Variants in ZBTB38 observed in about 807,000 individuals in gnomAD.
ZBTB38 encodes zinc finger and BTB domain-containing protein 38.
A neutral mutation model predicts 76.8 loss-of-function variants in ZBTB38; 20 were observed. That is an observed-to-expected ratio of 0.26 (90% CI 0.18 to 0.38). The LOEUF is 0.38. ZBTB38 is among the 10% of genes least tolerant of loss of function. The pLI, the probability that ZBTB38 is intolerant of heterozygous loss-of-function variation, is 1.00. For missense variants in ZBTB38, 1,082 were observed against 1,482.3 expected (o/e 0.73, Z 4.43); for synonymous variants, 504 against 544.2 (o/e 0.93, Z 1.03).
In ZBTB38 at chr3:141,444,461, A is replaced by G. The variant is rs1333871782; in HGVS notation, c.2073A>G (p.Val691=). 1 of 1,614,120 alleles carries G rather than the reference A, an allele frequency of 6.2e-7. No individual in the cohort carries two copies. Residue 691 remains valine, a synonymous_variant, in exon 6 of 6, where the codon GTA becomes GTG. Coordinates refer to ENST00000321464, the MANE Select transcript of ZBTB38 (RefSeq NM_001376113.1). The surrounding 1 kb of genome is among the most constrained non-coding windows in gnomAD (Gnocchi z 5.1). ...AVSSDLRAGD[V]PVLSLSNSSE... is the part of the protein sequence containing the mutation. ...GTTCTGACCTCCGGGCAGGGGATGT[A>G]CCTGTTTTATCTTTGAGTAATAGCA...
At chr3:141,352,095 C>T (rs561089309) in intron 1 of ZBTB38, among the ~76,000 whole-genome samples, 1 of 152,230 alleles carries the variant, frequency 6.6e-6, no homozygotes, top group South Asian at 2.1e-4. Flanking sequence ...AGACAAAGTC[C>T]TTGCTCTCAC....
intron 1 of ZBTB38, among the ~76,000 whole-genome samples, chr3:141,347,174 G>C (rs1943387672): frequency 6.6e-6 from 1 of 152,196 alleles, no homozygotes; most frequent in South Asian, 2.1e-4. Flanking sequence ...GGGAATTGTA[G>C]TTGTGCATCT....
At chr3:141,431,552 A>G (rs1000953446) in intron 5 of ZBTB38, among the ~76,000 whole-genome samples, 4 of 151,918 alleles carry the variant, frequency 2.6e-5, no homozygotes, top group African/African-American at 9.7e-5. Context: ...CAAAAAGAAA[A>G]AAGAAACCCA....
At chr3:141,417,041 C>G (rs951220432) in intron 5 of ZBTB38, among the ~76,000 whole-genome samples, 1 of 152,210 alleles carries the variant, frequency 6.6e-6, no homozygotes, top group Non-Finnish European at 1.5e-5. Flanking sequence ...CTTGATCCAG[C>G]AGCACAAGGG....
rs1943422552 is a variant in ZBTB38, at chr3:141,348,279, A to G, written c.-738-20342A>G. Among the ~76,000 whole-genome samples the G allele has an allele frequency of 2.0e-5, 3 of 152,352 alleles. 1 individual carries two copies. The highest frequency in any genetic ancestry group is 3.4e-3 in the Middle Eastern group (1 of 294). On this transcript the variant is annotated intron_variant, in intron 1 of 7. Coordinates refer to the ZBTB38 transcript ENST00000509842. ...AGCCCGTGAATAATTGTTATTCATA[A>G]TGGAACTGCTACTGTATTTTGTAGA...
Position 141,381,410 on chromosome 3 carries a change from C to T in ZBTB38, c.-234-15C>T, listed in dbSNP as rs954902803. On this transcript the variant is annotated splice_polypyrimidine_tract_variant and intron_variant, in intron 2 of 5. Coordinates refer to ENST00000321464, the MANE Select transcript of ZBTB38 (RefSeq NM_001376113.1). ...GTTAAAAAACACATGGTTTACAGTT[C>T]CCTTTTCCTTCCAGCTCTTTCCTGG... The T allele has an allele frequency of 1.3e-5, 2 of 152,324 alleles. No individual in the cohort carries two copies. Among genetic ancestry groups the T allele is most frequent in the African/African-American group, 2.4e-5 (1 of 41,466 alleles). The allele number at this position is 152,324 out of a possible 1,614,324, so 9.4% of individuals were successfully genotyped here.
Position 141,349,469 on chromosome 3 carries a change from A to G in ZBTB38, c.-738-19152A>G, listed in dbSNP as rs1001215572. On this transcript the variant is annotated intron_variant, in intron 1 of 7. Coordinates refer to the ZBTB38 transcript ENST00000509842. ...CATTCCAGGTGCAAAAAACAAGCAA[A>G]CAAACAAACAAAAAACCCCAAAGCC... 3.3e-5 allele frequency among the ~76,000 whole-genome samples: 5 copies of G among 152,162 alleles called. No individual in the cohort carries two copies. The East Asian group carries it at 7.7e-4, about 23-fold the overall frequency.
intron 5 of ZBTB38, among the ~76,000 whole-genome samples, chr3:141,415,468 C>T (rs1208977704): frequency 6.6e-6 from 1 of 152,182 alleles, no homozygotes; most frequent in Non-Finnish European, 1.5e-5. Context: ...GCAGCATGGA[C>T]ATCCTCTGGG....
At chr3:141,336,994 A>T (rs2148895353) in intron 1 of ZBTB38, among the ~76,000 whole-genome samples, 1 of 152,344 alleles carries the variant, frequency 6.6e-6, no homozygotes, top group Admixed American at 6.5e-5. Flanking sequence ...ATAGTTTCTA[A>T]TTACGTACAT....
At chr3:141,346,782 T>TTGTTTTGTG (rs1553760843) in intron 1 of ZBTB38, among the ~76,000 whole-genome samples, 1 of 144,562 alleles carries the variant, frequency 6.9e-6, no homozygotes, top group South Asian at 2.2e-4. Flanking sequence ...TTGTTTTGTT[T>TTGTTTTGTG]TGTGTGTGTG....
In ZBTB38 at chr3:141,443,144, T is replaced by C. The variant is rs1416341737; in HGVS notation, c.756T>C (p.Asn252=). 3 of 1,614,108 alleles carry C rather than the reference T, an allele frequency of 1.9e-6. No homozygotes were observed. The highest frequency in any genetic ancestry group is 2.5e-6 in the Non-Finnish European group (3 of 1,180,014). The change falls in exon 6 of 6, where the codon AAT becomes AAC. Residue 252 remains asparagine, a synonymous_variant. Coordinates refer to ENST00000321464, the MANE Select transcript of ZBTB38 (RefSeq NM_001376113.1). This position sits in a 1 kb window ranked among gnomAD's most constrained non-coding sequence, Gnocchi z 5.6. Reference sequence around the variant, plus strand: ...CACCTGGTAACACAGGGAAAGAAAATTGTGAAGCCCTTGCAGCGAAACCGA... The same window carrying C: ...CACCTGGTAACACAGGGAAAGAAAACTGTGAAGCCCTTGCAGCGAAACCGA... ...GSSPGNTGKE[N]CEALAAKPKT...
intron 3 of ZBTB38, among the ~76,000 whole-genome samples, chr3:141,386,267 G>C (rs1176494913): frequency 6.6e-6 from 1 of 152,178 alleles, no homozygotes. Context: ...ACAGCCAGAG[G>C]AATTCAGCAT....
rs1244492404 is a variant in ZBTB38 at position 141,446,069 on chromosome 3, T to C, written c.*93T>C. 1.9e-6 allele frequency: 2 copies of C among 1,065,644 alleles called. No homozygotes were observed. Among genetic ancestry groups the C allele is most frequent in the Non-Finnish European group, 2.5e-6 (2 of 786,954 alleles). The allele number at this position is 1,065,644 out of a possible 1,614,324, so 66.0% of individuals were successfully genotyped here. ...TTTCATTTTGTCCATGTGACAGTCA[T>C]GAAGGAGTGAAATTAAAAAAAAAAA... On this transcript the variant is annotated 3_prime_UTR_variant, in exon 6 of 6. Coordinates refer to ENST00000321464, the MANE Select transcript of ZBTB38 (RefSeq NM_001376113.1).
intron 1 of ZBTB38, among the ~76,000 whole-genome samples, chr3:141,357,514 GTT>G (rs1431888291): frequency 6.6e-6 from 1 of 151,848 alleles, no homozygotes; most frequent in African/African-American, 2.4e-5. Flanking sequence ...TTTTTGTTTT[GTT>G]TTGTTTGTTT....
chr3:141,379,524 G>A (rs116710083), intron 2 of ZBTB38, among the ~76,000 whole-genome samples: 286 of 152,326 alleles, frequency 1.9e-3, no homozygotes, highest in Middle Eastern at 6.8e-3. Context: ...CATGATGAGA[G>A]GGACAGCGGT....
At chr3:141,403,544 G>C (rs574299344) in intron 4 of ZBTB38, among the ~76,000 whole-genome samples, 8 of 152,292 alleles carry the variant, frequency 5.3e-5, no homozygotes, top group African/African-American at 1.9e-4. Flanking sequence ...TGAGACTTTT[G>C]GTTTTCGGTT....
intron 1 of ZBTB38, among the ~76,000 whole-genome samples, chr3:141,362,393 A>C (rs1177419843): frequency 2.0e-5 from 3 of 152,034 alleles, no homozygotes; most frequent in Non-Finnish European, 4.4e-5. Context: ...TATGATCTAA[A>C]CCCCCCACAT....
At chr3:141,441,997 G>C (rs1482805119) in intron 5 of ZBTB38, among the ~76,000 whole-genome samples, 1 of 151,940 alleles carries the variant, frequency 6.6e-6, no homozygotes, top group Non-Finnish European at 1.5e-5. Context: ...GGAAGCTTCT[G>C]GCAGGACCAT....
At chr3:141,363,901 C>G (rs928180375), upstream of ZBTB38, among the ~76,000 whole-genome samples, 1 of 152,122 alleles carries the variant, frequency 6.6e-6, no homozygotes, top group Non-Finnish European at 1.5e-5. Flanking sequence ...TGTAAATCTT[C>G]ATGACCTTGG....
Sources: allele counts gnomAD v4.1 joint callset (sites outside exome capture counted in the v4.1 genomes callset), GRCh38; gene constraint gnomAD v4.1.1; non-coding constraint Gnocchi (gnomAD v3.1); transcripts MANE v1.5; gene names NCBI Gene and HGNC (gene_info 2026-07-23, HGNC 2026-07-21).